MAF: variants seen among roughly 807,000 people sequenced by gnomAD.
MAF encodes MAF bZIP transcription factor, also known as transcription factor Maf.
Under a neutral mutation model 22.0 loss-of-function variants are expected in MAF, and 10 were observed. That is an observed-to-expected ratio of 0.45 (90% CI 0.28 to 0.77). MAF has a LOEUF of 0.77. MAF is among the 30% of genes least tolerant of loss of function. The probability of loss-of-function intolerance (pLI) is 0.12; values close to 1 mark genes in which losing one functional copy is unlikely to be tolerated. For synonymous variants in MAF, 337 were observed against 255.8 expected (o/e 1.32, Z -3.03); for missense variants, 544 against 548.4 (o/e 0.99, Z 0.08).
the MAF span, among the ~76,000 whole-genome samples, chr16:79,388,294 T>C: frequency 6.7e-6 from 1 of 150,038 alleles, no homozygotes; most frequent in African/African-American, 2.5e-5. Flanking sequence ...AAAGTTCATA[T>C]TTCTGGGCTG....
chr16:79,544,841 G>A, the MAF span, among the ~76,000 whole-genome samples: 1 of 151,854 alleles, frequency 6.6e-6, no homozygotes, highest in East Asian at 1.9e-4. Context: ...GTATTGATAT[G>A]GCACCTTACT....
At chr16:79,275,278 C>G in the MAF span, among the ~76,000 whole-genome samples, 2 of 152,184 alleles carry the variant, frequency 1.3e-5, no homozygotes, top group African/African-American at 2.4e-5. Context: ...ATCACTTGAA[C>G]TCAGGGAGGT....
At chr16:79,334,416 G>A in the MAF span, among the ~76,000 whole-genome samples, 6 of 152,100 alleles carry the variant, frequency 3.9e-5, no homozygotes, top group South Asian at 4.1e-4. Flanking sequence ...TCAGAACAGC[G>A]GTCACCTCTA....
chr16:79,302,456 A>G, the MAF span, among the ~76,000 whole-genome samples: 7 of 152,222 alleles, frequency 4.6e-5, no homozygotes, highest in East Asian at 1.9e-4. Flanking sequence ...AATCAGATCA[A>G]CCCACATGGC....
At chr16:79,445,086 T>A in the MAF span, among the ~76,000 whole-genome samples, 2 of 152,104 alleles carry the variant, frequency 1.3e-5, no homozygotes, top group East Asian at 3.9e-4. Flanking sequence ...CAGACTGGAG[T>A]GCAGCGGCAC....
chr16:79,428,414 T>C, the MAF span, among the ~76,000 whole-genome samples: 15 of 152,298 alleles, frequency 9.8e-5, no homozygotes, highest in Admixed American at 3.3e-4. Flanking sequence ...TCAAGGACAA[T>C]GTTGCACGGG....
chr16:79,416,121 C>T, the MAF span, among the ~76,000 whole-genome samples: 4 of 152,066 alleles, frequency 2.6e-5, no homozygotes, highest in African/African-American at 9.7e-5. Flanking sequence ...CTGTGTGTGC[C>T]CCTAAGCTGC....
chr16:79,370,095 G>A, the MAF span, among the ~76,000 whole-genome samples: 1 of 152,232 alleles, frequency 6.6e-6, no homozygotes, highest in Admixed American at 6.5e-5. Context: ...AGTAGGCAAA[G>A]GATGTTTCTC....
At chr16:79,489,229 CCATCCATCTACT>C in the MAF span, among the ~76,000 whole-genome samples, 3 of 152,064 alleles carry the variant, frequency 2.0e-5, no homozygotes, top group African/African-American at 4.8e-5. Flanking sequence ...ATCCATTTGC[CCATCCATCTACT>C]CATCCATCTA....
chr16:79,216,553 G>C, the MAF span, among the ~76,000 whole-genome samples: 1 of 152,052 alleles, frequency 6.6e-6, no homozygotes, highest in Non-Finnish European at 1.5e-5. Context: ...AATAAATCAG[G>C]CTAAGTGTTA....
chr16:79,471,268 A>G, the MAF span, among the ~76,000 whole-genome samples: 1 of 152,350 alleles, frequency 6.6e-6, no homozygotes, highest in Non-Finnish European at 1.5e-5. Flanking sequence ...TCTTACAGAT[A>G]CAAAACATCT....
the MAF span, among the ~76,000 whole-genome samples, chr16:79,527,500 T>G: frequency 1.3e-5 from 2 of 152,188 alleles, no homozygotes; most frequent in East Asian, 3.8e-4. Context: ...ACATTCCTTT[T>G]CTTATGCCAA....
the MAF span, among the ~76,000 whole-genome samples, chr16:79,411,463 G>C: frequency 3.3e-5 from 5 of 152,162 alleles, no homozygotes; most frequent in African/African-American, 1.2e-4. Context: ...TCTGAAGCCT[G>C]CATGACAATG....
At chr16:79,314,826 G>A in the MAF span, among the ~76,000 whole-genome samples, 1 of 152,168 alleles carries the variant, frequency 6.6e-6, no homozygotes, top group Non-Finnish European at 1.5e-5. Context: ...CTTCCTAGAA[G>A]GCAGAGGGAC....
the MAF span, among the ~76,000 whole-genome samples, chr16:79,208,916 G>A: frequency 3.3e-5 from 5 of 152,176 alleles, no homozygotes; most frequent in Non-Finnish European, 7.3e-5. Context: ...GTCCAGCAAG[G>A]GAGGAAAGTA....
chr16:79,429,262 A>G, the MAF span, among the ~76,000 whole-genome samples: 1 of 152,148 alleles, frequency 6.6e-6, no homozygotes, highest in African/African-American at 2.4e-5. Flanking sequence ...ATGAGCCAAT[A>G]CAAATATCCT....
chr16:79,341,088 C>T, the MAF span, among the ~76,000 whole-genome samples: 1 of 152,150 alleles, frequency 6.6e-6, no homozygotes, highest in East Asian at 1.9e-4. Flanking sequence ...CAGGAAGAAC[C>T]AGGTGTGATG....
At chr16:79,497,952 G>T in the MAF span, among the ~76,000 whole-genome samples, 1 of 152,172 alleles carries the variant, frequency 6.6e-6, no homozygotes, top group African/African-American at 2.4e-5. Flanking sequence ...CAGTTCTAGA[G>T]ACCAGAAGAC....
chr16:79,518,661 G>T, the MAF span, among the ~76,000 whole-genome samples: 1 of 152,228 alleles, frequency 6.6e-6, no homozygotes, highest in African/African-American at 2.4e-5. Context: ...TGAGGATAAA[G>T]TTAATATATG....
Sources: gnomAD v4.1 joint callset for allele counts (sites outside exome capture counted in the v4.1 genomes callset) on GRCh38, gnomAD v4.1.1 for gene constraint, MANE v1.5 for transcripts, NCBI Gene and HGNC (gene_info 2026-07-23, HGNC 2026-07-21) for gene names.